The following TOP1 variants were observed in gnomAD, a reference collection of about 807,000 sequenced individuals.
TOP1 encodes the protein DNA topoisomerase 1.
TOP1 carries 10 observed loss-of-function variants against 111.1 expected under a neutral mutation model. The ratio of observed to expected loss-of-function variants is 0.09; its 90% CI spans 0.06 to 0.15. TOP1 has a LOEUF of 0.15. Ranked by LOEUF, TOP1 falls within the 10% of genes least tolerant of loss-of-function variation. The pLI, the probability that TOP1 is intolerant of heterozygous loss-of-function variation, is 1.00. For synonymous variants in TOP1, 271 were observed against 302.9 expected (o/e 0.89, Z 1.10); for missense variants, 474 against 926.7 (o/e 0.51, Z 6.34).
At chr20:41,054,762 T>C (rs950994233) in intron 2 of TOP1, among the ~76,000 whole-genome samples, 1 of 152,246 alleles carries the variant, frequency 6.6e-6, no homozygotes, top group African/African-American at 2.4e-5. Context: ...TGGACTTGAA[T>C]ATATTTGGTT....
chr20:41,112,814 T>C lies in TOP1; in HGVS notation c.1341T>C (p.Ala447=). 6.2e-7 allele frequency: 1 copy of C among 1,614,226 alleles called. No homozygotes were observed. The highest frequency in any genetic ancestry group is 8.5e-7 in the Non-Finnish European group (1 of 1,180,040). ...GEKDWQKYET[A]RRLKKCVDKI... ...AGGACTGGCAGAAATACGAGACTGC[T>C]CGGCGGCTGAAAAAATGTGTGGACA... The change falls in exon 14 of 21, where the codon GCT becomes GCC. Residue 447 remains alanine, a synonymous_variant. Transcript: ENST00000361337. The surrounding 1 kb of genome is among the most constrained non-coding windows in gnomAD (Gnocchi z 5.8).
chr20:41,087,229 T>C (rs905928042), intron 8 of TOP1, among the ~76,000 whole-genome samples: 2 of 152,230 alleles, frequency 1.3e-5, no homozygotes, highest in Non-Finnish European at 2.9e-5. Context: ...GTTATCTCCA[T>C]AGAAACATTG....
chr20:41,061,340 A>C lies in TOP1; in HGVS notation c.59-54A>C. ...TCTTGACCAGCTTGTCAAGGTAGGC[A>C]TACAGAAGATAGCTCATGACTCCTG... On this transcript the variant is annotated intron_variant, in intron 2 of 20. Coordinates refer to ENST00000361337, the MANE Select transcript of TOP1 (RefSeq NM_003286.4). The surrounding 1 kb of genome is among the most constrained non-coding windows in gnomAD (Gnocchi z 4.6). The C allele has an allele frequency of 6.5e-7, 1 of 1,542,078 alleles. No individual in the cohort carries two copies.
At chr20:41,044,676 T>G (rs2033311476) in intron 2 of TOP1, among the ~76,000 whole-genome samples, 1 of 152,118 alleles carries the variant, frequency 6.6e-6, no homozygotes, top group East Asian at 1.9e-4. Context: ...GGAAGCAGAG[T>G]ATTTTCCTGG....
At chr20:41,068,434 G>T (rs2033632564) in intron 3 of TOP1, among the ~76,000 whole-genome samples, 1 of 151,998 alleles carries the variant, frequency 6.6e-6, no homozygotes, top group Admixed American at 6.6e-5. Context: ...TGGAGTCAGG[G>T]TCTCATTGAC....
intron 2 of TOP1, among the ~76,000 whole-genome samples, chr20:41,049,789 G>A (rs2033380445): frequency 6.6e-6 from 1 of 152,162 alleles, no homozygotes; most frequent in Non-Finnish European, 1.5e-5. Flanking sequence ...CTTCCTTAAG[G>A]ACAGAAGAAC....
At chr20:41,117,486 A>T (rs547869509) in intron 17 of TOP1, among the ~76,000 whole-genome samples, 1 of 139,244 alleles carries the variant, frequency 7.2e-6, no homozygotes, top group Admixed American at 8.1e-5. Flanking sequence ...CCTGGGGTTC[A>T]CGCCATTCTC....
At position 41,109,052 on chromosome 20, in the gene TOP1, C is replaced by T. The variant is rs1195482714; in HGVS notation, c.1309-3730C>T. Among the ~76,000 whole-genome samples the T allele has an allele frequency of 1.3e-5, 2 of 152,202 alleles. No individual in the cohort carries two copies. The highest frequency in any genetic ancestry group is 2.9e-5 in the Non-Finnish European group (2 of 68,036). ...TATTGCGTTTAGTCCTGTTAAAATACTCTCAGTGCCAAATACACACTTCTG... is the reference window on the plus strand; with the variant it reads ...TATTGCGTTTAGTCCTGTTAAAATATTCTCAGTGCCAAATACACACTTCTG... On this transcript the variant is annotated intron_variant, in intron 13 of 20. Coordinates refer to ENST00000361337, the MANE Select transcript of TOP1 (RefSeq NM_003286.4). This position sits in a 1 kb window ranked among gnomAD's most constrained non-coding sequence, Gnocchi z 4.1.
In TOP1 at chr20:41,029,113, C is replaced by G. The variant is rs2033080569; in HGVS notation, c.33+13C>G. On this transcript the variant is annotated intron_variant, in intron 1 of 20. Coordinates refer to ENST00000361337, the MANE Select transcript of TOP1 (RefSeq NM_003286.4). This position sits in a 1 kb window ranked among gnomAD's most constrained non-coding sequence, Gnocchi z 6.1. ...CAACGATTCCCAGGTACGGCCCGGC[C>G]TGACCCTGGCGGCCCCGGACCCCGG... 3 of 1,498,600 alleles carry G rather than the reference C, an allele frequency of 2.0e-6. No individual in the cohort carries two copies. Among genetic ancestry groups the G allele is most frequent in the South Asian group, 1.3e-5 (1 of 79,976 alleles). 92.8% of individuals were successfully genotyped at this position (1,498,600 alleles called of 1,614,324 possible). A position where few individuals can be genotyped will look rare whatever the true frequency, so the allele number is the denominator to read the frequency against.
chr20:41,118,373 TATC>T lies in TOP1; in HGVS notation c.1950+79_1950+81del. On this transcript the variant is annotated intron_variant, in intron 18 of 20. Transcript: ENST00000361337. This position sits in a 1 kb window ranked among gnomAD's most constrained non-coding sequence, Gnocchi z 4.6. Reference sequence around the variant, plus strand: ...CGAATGAGAGGATTCAGGGCTGAGATATCAGCAGGCCAGTGCTGGGTCTGTTGT... The same window carrying T: ...CGAATGAGAGGATTCAGGGCTGAGATAGCAGGCCAGTGCTGGGTCTGTTGT... The T allele has an allele frequency of 3.8e-6, 6 of 1,564,604 alleles. No homozygotes were observed. Among genetic ancestry groups the T allele is most frequent in the Non-Finnish European group, 5.2e-6 (6 of 1,143,588 alleles).
chr20:41,102,390 A>T lies in TOP1; in HGVS notation c.1308+1037A>T, dbSNP rs1339462432. On this transcript the variant is annotated intron_variant, in intron 13 of 20. Transcript: ENST00000361337. This position sits in a 1 kb window ranked among gnomAD's most constrained non-coding sequence, Gnocchi z 4.0. ...TTTGGGAGGCCGAGATGGGCGGATCACCTGAGGTCAGGAGTTCGAGACCAG... is the reference window on the plus strand; with the variant it reads ...TTTGGGAGGCCGAGATGGGCGGATCTCCTGAGGTCAGGAGTTCGAGACCAG... Among the ~76,000 whole-genome samples the T allele has an allele frequency of 1.3e-5, 2 of 152,188 alleles. No individual in the cohort carries two copies. The highest frequency in any genetic ancestry group is 4.8e-5 in the African/African-American group (2 of 41,440).
At chr20:41,089,083 G>C (rs2033886381) in intron 8 of TOP1, among the ~76,000 whole-genome samples, 1 of 138,138 alleles carries the variant, frequency 7.2e-6, no homozygotes, top group Non-Finnish European at 1.5e-5. Flanking sequence ...GGAGTGCAGT[G>C]GTGTGATCTC....
chr20:41,100,206 C>A lies in TOP1; in HGVS notation c.1126C>A (p.Arg376=), dbSNP rs748703087. The change falls in exon 12 of 21, where the codon CGA becomes AGA. Residue 376 remains arginine (R), a synonymous_variant. Transcript: ENST00000361337. The surrounding 1 kb of genome is among the most constrained non-coding windows in gnomAD (Gnocchi z 4.4). ...CCCCAAGATGGGCATGCTGAAGAGA[C>A]GAATCATGCCCGAGGATATAATCAT... ...NHPKMGMLKR[R]IMPEDIIINC... 1 of 1,613,788 alleles carries A rather than the reference C, an allele frequency of 6.2e-7. No homozygotes were observed. Among genetic ancestry groups the A allele is most frequent in the Non-Finnish European group, 8.5e-7 (1 of 1,179,842 alleles).
At position 41,112,193 on chromosome 20, in the gene TOP1, T is replaced by C. The variant is rs749310535; in HGVS notation, c.1309-589T>C. ...TACATGTTGTAGTCTTTGGTTCTGCTTCTTTGACAGCTCCACCACACTGTA... is the reference window on the plus strand; with the variant it reads ...TACATGTTGTAGTCTTTGGTTCTGCCTCTTTGACAGCTCCACCACACTGTA... On this transcript the variant is annotated intron_variant, in intron 13 of 20. Transcript: ENST00000361337. This position sits in a 1 kb window ranked among gnomAD's most constrained non-coding sequence, Gnocchi z 5.8. Among the ~76,000 whole-genome samples the C allele has an allele frequency of 1.2e-4, 18 of 152,218 alleles. No individual in the cohort carries two copies. Among genetic ancestry groups the C allele is most frequent in the Non-Finnish European group, 1.9e-4 (13 of 68,034 alleles).
At position 41,029,731 on chromosome 20, in the gene TOP1, C is replaced by T. The variant is rs771418968; in HGVS notation, c.58+276C>T. ...GGTCTTTCCGGGCCGGGATTCCTCCCGGGAAAGTCGCCTTGTCGACGGTCG... is the reference window on the plus strand; with the variant it reads ...GGTCTTTCCGGGCCGGGATTCCTCCTGGGAAAGTCGCCTTGTCGACGGTCG... On this transcript the variant is annotated intron_variant, in intron 2 of 20. Transcript: ENST00000361337. The surrounding 1 kb of genome is among the most constrained non-coding windows in gnomAD (Gnocchi z 6.1). 3.7e-5 allele frequency: 20 copies of T among 535,236 alleles called. No individual in the cohort carries two copies. Among genetic ancestry groups the T allele is most frequent in the Admixed American group, 3.6e-5 (1 of 28,044 alleles). 33.2% of individuals were successfully genotyped at this position (535,236 alleles called of 1,614,324 possible).
At position 41,081,980 on chromosome 20, in the gene TOP1, C is replaced by T. The variant is rs770701294; in HGVS notation, c.507+740C>T. Among the ~76,000 whole-genome samples the T allele has an allele frequency of 9.1e-4, 138 of 152,320 alleles. 1 individual carries two copies. The highest frequency in any genetic ancestry group is 2.5e-3 in the Admixed American group (39 of 15,298). On this transcript the variant is annotated intron_variant, in intron 7 of 20. Transcript: ENST00000361337. Reference sequence around the variant, plus strand: ...GCTTGTGGTAGATTGAAAATAGAATCATATGCTTCCTCCTTTTGACACTTT... The same window carrying T: ...GCTTGTGGTAGATTGAAAATAGAATTATATGCTTCCTCCTTTTGACACTTT...
At chr20:41,090,715 A>G (rs1350041140) in intron 8 of TOP1, among the ~76,000 whole-genome samples, 1 of 152,142 alleles carries the variant, frequency 6.6e-6, no homozygotes, top group East Asian at 1.9e-4. Flanking sequence ...CATGTTGGCC[A>G]GGCTGGTCTC....
At chr20:41,113,772 A>G (rs1422061693) in intron 14 of TOP1, among the ~76,000 whole-genome samples, 198 bp from the exon 15 acceptor site, 1 of 151,140 alleles carries the variant, frequency 6.6e-6, no homozygotes, top group Non-Finnish European at 1.5e-5. Flanking sequence ...AGTCCCAGCT[A>G]CTTCGGAGGC....
Position 41,102,838 on chromosome 20 carries a change from G to A in TOP1, c.1308+1485G>A, listed in dbSNP as rs985470897. 1.3e-5 allele frequency among the ~76,000 whole-genome samples: 2 copies of A among 152,156 alleles called. No individual in the cohort carries two copies. The highest frequency in any genetic ancestry group is 2.9e-5 in the Non-Finnish European group (2 of 68,046). ...GGTGGGCAAATCAGGTAAGAATTCA[G>A]TTGTATTAGAAGAAAGATAAAAGTA... On this transcript the variant is annotated intron_variant, in intron 13 of 20. Coordinates refer to ENST00000361337, the MANE Select transcript of TOP1 (RefSeq NM_003286.4). This position sits in a 1 kb window ranked among gnomAD's most constrained non-coding sequence, Gnocchi z 4.0.
Sources: allele counts gnomAD v4.1 joint callset (sites outside exome capture counted in the v4.1 genomes callset), GRCh38; gene constraint gnomAD v4.1.1; non-coding constraint Gnocchi (gnomAD v3.1); transcripts MANE v1.5; gene names NCBI Gene and HGNC (gene_info 2026-07-23, HGNC 2026-07-21).